NKAIN3: variants seen among roughly 807,000 people sequenced by gnomAD.
NKAIN3 encodes sodium/potassium transporting ATPase interacting 3, also known as sodium/potassium-transporting ATPase subunit beta-1-interacting protein 3.
Under a neutral mutation model 30.2 loss-of-function variants are expected in NKAIN3, and 25 were observed. That is an observed-to-expected ratio of 0.83 (90% confidence interval 0.60 to 1.16). The LOEUF (loss-of-function observed/expected upper bound fraction) is 1.16, where lower values mean the gene tolerates loss of function less well. Ranked by LOEUF, NKAIN3 falls within the 50% of genes most tolerant of loss-of-function variation. NKAIN3 has a pLI of 0.00. For missense variants in NKAIN3, 225 were observed against 254.1 expected (o/e 0.89, Z 0.78); for synonymous variants, 91 against 89.6 (o/e 1.02, Z -0.09).
chr8:62,897,886 C>A (rs1033771484), intron 4 of NKAIN3, among the ~76,000 whole-genome samples: 12 of 152,124 alleles, frequency 7.9e-5, no homozygotes, highest in African/African-American at 2.9e-4. Context: ...GTTGACGCAG[C>A]CTAAGACCCC....
At chr8:62,853,312 T>A (rs550329597) in intron 4 of NKAIN3, among the ~76,000 whole-genome samples, 4 of 152,322 alleles carry the variant, frequency 2.6e-5, no homozygotes, top group South Asian at 4.1e-4. Flanking sequence ...GCTTGGTAGA[T>A]CTTCCTCCAT....
At chr8:62,453,991 A>C (rs1185633431) in intron 1 of NKAIN3, among the ~76,000 whole-genome samples, 1 of 152,140 alleles carries the variant, frequency 6.6e-6, no homozygotes, top group Non-Finnish European at 1.5e-5. Context: ...ACTATTCCAA[A>C]GAATTTTCTA....
rs114654400 is a variant in NKAIN3 at position 62,651,961 on chromosome 8, G to A, written c.273+62167G>A. Among the ~76,000 whole-genome samples, 150 of 152,218 alleles carry A rather than the reference G, an allele frequency of 9.9e-4. 1 individual carries two copies. Among genetic ancestry groups the A allele is most frequent in the African/African-American group, 3.6e-3 (148 of 41,546 alleles). ...TGCTGGTGCCATGCTTGTACAGCCT[G>A]CAGAACCATAAGCCAGAAAAACCTC... On this transcript the variant is annotated intron_variant, in intron 3 of 6. Transcript: ENST00000623646.
chr8:62,669,379 A>G (rs751025271), intron 3 of NKAIN3, among the ~76,000 whole-genome samples: 1 of 152,156 alleles, frequency 6.6e-6, no homozygotes, highest in African/African-American at 2.4e-5. Flanking sequence ...TCAGCTTCCA[A>G]GAGGACCAAA....
intron 1 of NKAIN3, among the ~76,000 whole-genome samples, chr8:62,256,806 A>G (rs899390327): frequency 2.0e-5 from 3 of 152,178 alleles, no homozygotes; most frequent in African/African-American, 7.2e-5. Context: ...TTGCTTTTAT[A>G]AAAGTGCCTC....
intron 1 of NKAIN3, among the ~76,000 whole-genome samples, chr8:62,489,711 A>G (rs1260804429): frequency 2.0e-5 from 3 of 152,252 alleles, no homozygotes; most frequent in Admixed American, 6.5e-5. Flanking sequence ...AGTACTTAAT[A>G]TACTGTGTTT....
intron 5 of NKAIN3, among the ~76,000 whole-genome samples, chr8:62,934,158 A>AAAGATCTCTTGAGGT (rs758216627): frequency 8.5e-5 from 13 of 152,160 alleles, no homozygotes; most frequent in Non-Finnish European, 1.6e-4. Context: ...GCCAAGGTGG[A>AAAGATCTCTTGAGGT]AAGATCTCTT....
chr8:62,566,109 T>TA (rs537963748), intron 1 of NKAIN3, among the ~76,000 whole-genome samples: 103 of 152,254 alleles, frequency 6.8e-4, no homozygotes, highest in African/African-American at 2.4e-3. Flanking sequence ...CTGCATGGCT[T>TA]ATGGAAATGC....
At chr8:62,557,134 C>G (rs1370602254) in intron 1 of NKAIN3, among the ~76,000 whole-genome samples, 1 of 152,006 alleles carries the variant, frequency 6.6e-6, no homozygotes, top group Admixed American at 6.6e-5. Flanking sequence ...AGCTTAGCTC[C>G]CACTTATGAG....
At chr8:62,870,253 T>TAG (rs1820571141) in intron 4 of NKAIN3, among the ~76,000 whole-genome samples, 7 of 104,244 alleles carry the variant, frequency 6.7e-5, no homozygotes, top group South Asian at 3.1e-4. Context: ...TAGATATCTA[T>TAG]ATATATATCT....
intron 1 of NKAIN3, among the ~76,000 whole-genome samples, chr8:62,258,716 G>A (rs868185254): frequency 6.6e-5 from 10 of 152,032 alleles, no homozygotes; most frequent in Admixed American, 4.6e-4. Context: ...CAAATCATTC[G>A]TTAAAAATAA....
intron 4 of NKAIN3, among the ~76,000 whole-genome samples, chr8:62,848,287 T>C (rs1819754282): frequency 6.6e-6 from 1 of 152,246 alleles, no homozygotes; most frequent in Non-Finnish European, 1.5e-5. Context: ...TTTCACGATA[T>C]TGATTCTATC....
intron 3 of NKAIN3, among the ~76,000 whole-genome samples, chr8:62,716,712 C>G (rs903454722): frequency 5.9e-5 from 9 of 151,718 alleles, no homozygotes; most frequent in African/African-American, 2.2e-4. Flanking sequence ...CAGAGTTTCT[C>G]CCTTTGACCT....
At chr8:62,555,429 T>C (rs1356624274) in intron 1 of NKAIN3, among the ~76,000 whole-genome samples, 4 of 152,034 alleles carry the variant, frequency 2.6e-5, no homozygotes, top group African/African-American at 7.2e-5. Flanking sequence ...AACTAAGATA[T>C]AGTATTTTTT....
chr8:62,445,158 A>G (rs1009132958), intron 1 of NKAIN3, among the ~76,000 whole-genome samples: 1 of 151,906 alleles, frequency 6.6e-6, no homozygotes, highest in African/African-American at 2.4e-5. Flanking sequence ...GTTGGCCAGG[A>G]TGGTCTCAAT....
intron 1 of NKAIN3, among the ~76,000 whole-genome samples, chr8:62,477,907 C>A (rs1806572675): frequency 6.6e-6 from 1 of 152,060 alleles, no homozygotes; most frequent in African/African-American, 2.4e-5. Flanking sequence ...TTGAACCTGG[C>A]AAACAAACTA....
chr8:62,277,808 G>C (rs539995507), intron 1 of NKAIN3, among the ~76,000 whole-genome samples: 105 of 152,268 alleles, frequency 6.9e-4, no homozygotes, highest in African/African-American at 2.4e-3. Flanking sequence ...CGGTGGTTTT[G>C]AATATACTCT....
chr8:62,757,848 C>T (rs1816505382), intron 4 of NKAIN3, among the ~76,000 whole-genome samples: 1 of 152,164 alleles, frequency 6.6e-6, no homozygotes, highest in African/African-American at 2.4e-5. Flanking sequence ...GGCTTGAATG[C>T]CAAGTGAAGG....
At position 62,982,517 on chromosome 8, in the gene NKAIN3, G is replaced by T. The variant is rs1046410418; in HGVS notation, c.*17110G>T. On this transcript the variant is annotated 3_prime_UTR_variant, in exon 7 of 7. Coordinates refer to ENST00000623646, the MANE Select transcript of NKAIN3 (RefSeq NM_001304533.3). ...CTCTCCTTCCAAAATGGCTAAAAGG[G>T]CAAAGCGTCAGTAATTCTGTAGACA... 4 of 152,190 alleles carry T rather than the reference G, an allele frequency of 2.6e-5. No homozygotes were observed. The highest frequency in any genetic ancestry group is 3.8e-4 in the East Asian group (2 of 5,196). 9.4% of individuals were successfully genotyped at this position (152,190 alleles called of 1,614,324 possible).
Sources: allele counts gnomAD v4.1 joint callset (sites outside exome capture counted in the v4.1 genomes callset), GRCh38; gene constraint gnomAD v4.1.1; transcripts MANE v1.5; gene names NCBI Gene and HGNC (gene_info 2026-07-23, HGNC 2026-07-21).